Variants in LRRIQ3 observed in about 807,000 individuals in gnomAD.
LRRIQ3 encodes the protein leucine-rich repeat and IQ domain-containing protein 3.
In LRRIQ3, 75 loss-of-function variants were observed where a neutral mutation model predicts 59.3. The observed-to-expected ratio is 1.26, with a 90% CI of 1.05 to 1.53. LRRIQ3 has a LOEUF of 1.53. Ranked by LOEUF, LRRIQ3 falls within the 40% of genes most tolerant of loss-of-function variation. LRRIQ3 has a pLI of 0.00. For synonymous variants in LRRIQ3, 250 were observed against 231.3 expected (o/e 1.08, Z -0.73); for missense variants, 831 against 710.0 (o/e 1.17, Z -1.94).
At chr1:74,178,284 A>T (rs1649767178) in intron 3 of LRRIQ3, among the ~76,000 whole-genome samples, 1 of 152,004 alleles carries the variant, frequency 6.6e-6, no homozygotes, top group Non-Finnish European at 1.5e-5. Context: ...ACATCCATAA[A>T]TGTAAACATG....
At chr1:74,177,716 T>C (rs921762559) in intron 3 of LRRIQ3, among the ~76,000 whole-genome samples, 15 of 152,030 alleles carry the variant, frequency 9.9e-5, no homozygotes, top group African/African-American at 3.6e-4. Flanking sequence ...TTTTAGGGAA[T>C]TAATATGTTT....
chr1:74,102,176 AAT>A (rs1264034771), intron 5 of LRRIQ3, among the ~76,000 whole-genome samples: 1 of 152,046 alleles, frequency 6.6e-6, no homozygotes, highest in Non-Finnish European at 1.5e-5. Flanking sequence ...GAGGGAAAAT[AAT>A]ATTTAGAAAA....
intron 4 of LRRIQ3, among the ~76,000 whole-genome samples, chr1:74,114,807 G>A (rs1354976616): frequency 6.6e-6 from 1 of 150,592 alleles, no homozygotes; most frequent in African/African-American, 2.4e-5. Flanking sequence ...AAATGTAAAT[G>A]TTAAGCTATA....
intron 1 of LRRIQ3, among the ~76,000 whole-genome samples, chr1:74,196,782 C>T (rs891975233): frequency 6.6e-6 from 1 of 152,174 alleles, no homozygotes; most frequent in Non-Finnish European, 1.5e-5. Context: ...CCCACTGCTA[C>T]CATCCTGGTC....
chr1:74,066,073 C>T (rs1039030248), intron 6 of LRRIQ3, among the ~76,000 whole-genome samples: 1 of 151,518 alleles, frequency 6.6e-6, no homozygotes, highest in African/African-American at 2.4e-5. Flanking sequence ...GTAATCCCAG[C>T]TACTTGGTAG....
chr1:74,089,142 A>C (rs1223841943), intron 5 of LRRIQ3, among the ~76,000 whole-genome samples: 2 of 152,118 alleles, frequency 1.3e-5, no homozygotes, highest in Non-Finnish European at 2.9e-5. Context: ...AGTTATAATC[A>C]TAAAGACATA....
At position 74,097,142 on chromosome 1, in the gene LRRIQ3, C is replaced by A. The variant is rs563825695; in HGVS notation, c.867+12252G>T. On this transcript the variant is annotated intron_variant, in intron 5 of 7. Transcript: ENST00000354431. The stretch of plus-strand genomic sequence containing the variant: ...TTTTGGGGGAAGTTTGAACACATCA[C>A]AAAGAAGCTAAAATCCTTGAAAAAA... Among the ~76,000 whole-genome samples the A allele has an allele frequency of 3.3e-5, 5 of 152,224 alleles. No homozygotes were observed. In the East Asian group the frequency reaches 9.7e-4, roughly 30 times the overall value.
chr1:74,141,381 A>G (rs1358426867), intron 4 of LRRIQ3, among the ~76,000 whole-genome samples: 1 of 151,922 alleles, frequency 6.6e-6, no homozygotes, highest in Non-Finnish European at 1.5e-5. Flanking sequence ...TGTTGCATCT[A>G]TAAAACACGG....
intron 3 of LRRIQ3, among the ~76,000 whole-genome samples, chr1:74,169,721 T>C (rs2100696618): frequency 6.6e-6 from 1 of 152,108 alleles, no homozygotes; most frequent in Non-Finnish European, 1.5e-5. Flanking sequence ...GTTAATTTCT[T>C]AAATTTTTTG....
intron 6 of LRRIQ3, among the ~76,000 whole-genome samples, chr1:74,068,351 G>A (rs12731752): frequency 0.019 from 2,938 of 152,000 alleles, 40 homozygotes; most frequent in Middle Eastern, 0.044. Context: ...GGAACATATG[G>A]CCTCTAAGAT....
At chr1:74,121,155 A>G (rs1323944704) in intron 4 of LRRIQ3, among the ~76,000 whole-genome samples, 5 of 152,170 alleles carry the variant, frequency 3.3e-5, no homozygotes, top group African/African-American at 9.6e-5. Context: ...CTACTTGAGA[A>G]TAGTGTCTTT....
At chr1:74,067,313 A>T (rs927129739) in intron 6 of LRRIQ3, among the ~76,000 whole-genome samples, 1 of 152,036 alleles carries the variant, frequency 6.6e-6, no homozygotes, top group Admixed American at 6.6e-5. Context: ...GGAAGTACAC[A>T]CTCTGTGAAC....
At chr1:74,065,228 G>T (rs1230037010) in intron 6 of LRRIQ3, among the ~76,000 whole-genome samples, 2 of 151,994 alleles carry the variant, frequency 1.3e-5, no homozygotes, top group African/African-American at 2.4e-5. Flanking sequence ...GTTCATCCCA[G>T]CTTATGCTTG....
intron 5 of LRRIQ3, among the ~76,000 whole-genome samples, chr1:74,098,614 C>A (rs890678127): frequency 7.9e-5 from 12 of 152,148 alleles, no homozygotes; most frequent in Admixed American, 7.9e-4. Flanking sequence ...CTTCTCAGTA[C>A]CACATCTCAC....
At chr1:74,029,427 A>G (rs1157050357) in intron 7 of LRRIQ3, among the ~76,000 whole-genome samples, 1 of 152,056 alleles carries the variant, frequency 6.6e-6, no homozygotes, top group Non-Finnish European at 1.5e-5. Flanking sequence ...AATTTTGTCA[A>G]AGGCCTTTTC....
intron 6 of LRRIQ3, among the ~76,000 whole-genome samples, chr1:74,048,080 C>T (rs1200638062): frequency 6.6e-6 from 1 of 152,162 alleles, no homozygotes; most frequent in African/African-American, 2.4e-5. Context: ...CAGACTCAGA[C>T]TCCAGAATTG....
chr1:74,061,576 C>T (rs1241583880), intron 6 of LRRIQ3, among the ~76,000 whole-genome samples: 2 of 152,054 alleles, frequency 1.3e-5, no homozygotes, highest in Non-Finnish European at 2.9e-5. Flanking sequence ...TCGACCACTT[C>T]CTTATACCAT....
intron 6 of LRRIQ3, among the ~76,000 whole-genome samples, chr1:74,073,373 A>C (rs1655079664): frequency 6.6e-6 from 1 of 152,036 alleles, no homozygotes; most frequent in Non-Finnish European, 1.5e-5. Context: ...ATAGCTGTGC[A>C]TGGTGGCTTA....
chr1:74,038,027 A>G (rs1420308714), intron 7 of LRRIQ3, among the ~76,000 whole-genome samples: 1 of 152,206 alleles, frequency 6.6e-6, no homozygotes, highest in African/African-American at 2.4e-5. Context: ...GGCACCAGCC[A>G]ACACTGAGAC....
Sources: gnomAD v4.1 joint callset for allele counts (sites outside exome capture counted in the v4.1 genomes callset) on GRCh38, gnomAD v4.1.1 for gene constraint, MANE v1.5 for transcripts, NCBI Gene and HGNC (gene_info 2026-07-23, HGNC 2026-07-21) for gene names.